HVCN1: variants seen among roughly 807,000 people sequenced by gnomAD.
HVCN1 encodes the protein hydrogen voltage gated channel 1.
HVCN1 carries 14 observed loss-of-function variants against 29.2 expected under a neutral mutation model. The observed-to-expected ratio is 0.48, with a 90% confidence interval of 0.32 to 0.75. The LOEUF is 0.75. Among genes scored for constraint, HVCN1 ranks in the 30% least tolerant of loss-of-function variants. The probability of loss-of-function intolerance (pLI) is 0.04; values close to 1 mark genes in which losing one functional copy is unlikely to be tolerated. For missense variants in HVCN1, 263 were observed against 341.8 expected, an observed-to-expected ratio of 0.77 and a Z score of 1.82; for synonymous variants, 131 against 133.2, an observed-to-expected ratio of 0.98 and a Z score of 0.11.
At position 110,694,876 on chromosome 12, in the gene HVCN1, A is replaced by G. The variant is rs1400917010; in HGVS notation, c.-103-6168T>C. On this transcript the variant is annotated intron_variant, in intron 2 of 4. Transcript: ENST00000546713. This position sits in a 1 kb window ranked among gnomAD's most constrained non-coding sequence, Gnocchi z 4.6. ...GCCTCACAGTTCAGAGTCACACAGA[A>G]GAGTAGGAAGAACACAGGCATTGCA... Among the ~76,000 whole-genome samples the G allele has an allele frequency of 6.6e-6, 1 of 152,188 alleles. No individual in the cohort carries two copies. The highest frequency in any genetic ancestry group is 1.9e-4 in the East Asian group (1 of 5,200).
chr12:110,671,332 A>T (rs1366442626), intron 3 of HVCN1, among the ~76,000 whole-genome samples: 2 of 152,160 alleles, frequency 1.3e-5, no homozygotes, highest in African/African-American at 4.8e-5. Context: ...AAAACAAAAA[A>T]AGAGAAAAGG....
At chr12:110,654,358 AAGG>A (rs2067913809) in intron 5 of HVCN1, among the ~76,000 whole-genome samples, 1 of 152,086 alleles carries the variant, frequency 6.6e-6, no homozygotes, top group East Asian at 1.9e-4. Context: ...TATCAGGAAG[AAGG>A]AGGAAGTTTC....
At chr12:110,657,473 C>T (rs978819975) in intron 4 of HVCN1, among the ~76,000 whole-genome samples, 2 of 136,686 alleles carry the variant, frequency 1.5e-5, no homozygotes, top group Non-Finnish European at 3.1e-5. Context: ...CCAGCTTGGG[C>T]AACAAGAGTG....
chr12:110,661,472 A>C lies in HVCN1; in HGVS notation c.22-24T>G, dbSNP rs2068169447. 1 of 1,608,606 alleles carries C rather than the reference A, an allele frequency of 6.2e-7. No individual in the cohort carries two copies. Among genetic ancestry groups the C allele is most frequent in the Admixed American group, 1.7e-5 (1 of 59,798 alleles). On this transcript the variant is annotated intron_variant, in intron 3 of 7. Coordinates refer to ENST00000242607, the MANE Select transcript of HVCN1 (RefSeq NM_032369.4). The surrounding 1 kb of genome is among the most constrained non-coding windows in gnomAD (Gnocchi z 6.2). ...GCCTAGAAGGCGGGGACAGAGAGCA[A>C]GAGCTTCAGGCAGTTGGCCACTCAG...
chr12:110,673,293 G>A (rs1409244350), intron 3 of HVCN1, among the ~76,000 whole-genome samples: 1 of 152,176 alleles, frequency 6.6e-6, no homozygotes, highest in Non-Finnish European at 1.5e-5. Flanking sequence ...GTGGAGCTTT[G>A]AACTTGAGAA....
At chr12:110,678,770 G>A (rs2068843274) in intron 3 of HVCN1, among the ~76,000 whole-genome samples, 1 of 152,000 alleles carries the variant, frequency 6.6e-6, no homozygotes, top group East Asian at 1.9e-4. Context: ...TTTCTTAAAA[G>A]GTCGACTGTA....
chr12:110,659,760 A>T lies in HVCN1; in HGVS notation c.306+1404T>A, dbSNP rs543097205. ...ATAGCAAGATCCCATCTCTTAAAAAAAAAGCCCTTCTAAATGGCGGGACAT... is the reference window on the plus strand; with the variant it reads ...ATAGCAAGATCCCATCTCTTAAAAATAAAGCCCTTCTAAATGGCGGGACAT... On this transcript the variant is annotated intron_variant, in intron 4 of 7. Transcript: ENST00000242607. 4.6e-5 allele frequency among the ~76,000 whole-genome samples: 7 copies of T among 152,170 alleles called. 1 individual carries two copies. The highest frequency in any genetic ancestry group is 1.0e-4 in the Non-Finnish European group (7 of 68,000).
intron 3 of HVCN1, among the ~76,000 whole-genome samples, chr12:110,663,454 T>A (rs1019205675): frequency 1.5e-4 from 23 of 151,348 alleles, no homozygotes; most frequent in African/African-American, 5.3e-4. Flanking sequence ...TAAAAAAAAT[T>A]AGCCAGGCAT....
intron 4 of HVCN1, among the ~76,000 whole-genome samples, chr12:110,657,828 G>T (rs888092947): frequency 6.6e-6 from 1 of 152,230 alleles, no homozygotes; most frequent in Non-Finnish European, 1.5e-5. Context: ...CAGAGAAGCT[G>T]CTTCATTCTA....
At position 110,649,011 on chromosome 12, in the gene HVCN1, C is replaced by T. The variant is rs1277172260; in HGVS notation, c.*399G>A. 4.3e-6 allele frequency: 2 copies of T among 468,278 alleles called. No individual in the cohort carries two copies. Among genetic ancestry groups the T allele is most frequent in the Non-Finnish European group, 8.3e-6 (2 of 239,684 alleles). 29.0% of individuals were successfully genotyped at this position (468,278 alleles called of 1,614,324 possible). A position where few individuals can be genotyped will look rare whatever the true frequency, so the allele number is the denominator to read the frequency against. On this transcript the variant is annotated 3_prime_UTR_variant, in exon 8 of 8. Coordinates refer to ENST00000242607, the MANE Select transcript of HVCN1 (RefSeq NM_032369.4). ...AAGAGACTTTTCTAGAATGGGGTGG[C>T]AGCTAAAGTAGCTTCTTTTTCTTTC...
chr12:110,689,666 T>G (rs148827596), upstream of HVCN1: 1 of 152,364 alleles, frequency 6.6e-6, no homozygotes, highest in East Asian at 1.9e-4. This position sits in a 1 kb window ranked among gnomAD's most constrained non-coding sequence, Gnocchi z 5.7. Flanking sequence ...CCTCAGAACT[T>G]CCCTTGGTCG....
At chr12:110,656,602 G>A (rs1416481833) in intron 4 of HVCN1, among the ~76,000 whole-genome samples, 3 of 152,064 alleles carry the variant, frequency 2.0e-5, no homozygotes, top group Non-Finnish European at 4.4e-5. Flanking sequence ...GGGCCTTGCC[G>A]CTCACACTCT....
At chr12:110,685,112 GCT>G (rs1254749613) in intron 2 of HVCN1, among the ~76,000 whole-genome samples, 5 of 152,192 alleles carry the variant, frequency 3.3e-5, no homozygotes, top group Admixed American at 6.5e-5. Context: ...TTAAGTTGCA[GCT>G]CTCAAGATGG....
At chr12:110,683,196 T>C in intron 3 of HVCN1, 29 bp downstream of exon 3, 1 of 1,613,938 alleles carries the variant, frequency 6.2e-7, no homozygotes, top group Non-Finnish European at 8.5e-7. Flanking sequence ...GGATATCCTC[T>C]AATGCTGCAA....
chr12:110,701,916 C>CAACAACAACAACAACAAA (rs532906104), intron 2 of HVCN1, among the ~76,000 whole-genome samples: 1 of 150,908 alleles, frequency 6.6e-6, no homozygotes, highest in Admixed American at 6.6e-5. Context: ...ACAACAACAA[C>CAACAACAACAACAACAAA]AAAACACACA....
At chr12:110,686,676 C>T (rs961211620) in intron 2 of HVCN1, among the ~76,000 whole-genome samples, 3 of 152,170 alleles carry the variant, frequency 2.0e-5, no homozygotes, top group African/African-American at 7.2e-5. Context: ...TGCCCTTCTC[C>T]ATTAAACTAG....
rs770183396 is a variant in HVCN1 at position 110,655,244 on chromosome 12, T to G, written c.401A>C (p.Tyr134Ser). 139 of 1,612,142 alleles carry G rather than the reference T, an allele frequency of 8.6e-5. No homozygotes were observed. Among genetic ancestry groups the G allele is most frequent in the Non-Finnish European group, 1.1e-4 (133 of 1,178,668 alleles). ...LKIIQPDKNN[Y>S]AAMVFHYMSI... ...GCTGTCAACCCCTACCATGGCAGCA[T>G]AGTTATTCTTGTCGGGCTGGATGAT... The change falls in exon 5 of 8, where the codon TAT (tyrosine) becomes TCT (serine). Residue 134 changes from tyrosine to serine, a missense_variant. Tyr to Ser is a moderately radical substitution (Grantham distance 144). Around this residue, in one of 3 missense-constraint regions of HVCN1, gnomAD observed 157 missense variants for 181.3 expected, o/e 0.87. Coordinates refer to ENST00000242607, the MANE Select transcript of HVCN1 (RefSeq NM_032369.4).
At chr12:110,673,901 G>A (rs975028808) in intron 3 of HVCN1, among the ~76,000 whole-genome samples, 1 of 152,224 alleles carries the variant, frequency 6.6e-6, no homozygotes, top group Non-Finnish European at 1.5e-5. Flanking sequence ...GGAAATGTGG[G>A]GTGGGAGCAC....
chr12:110,656,091 C>T (rs1457192307), intron 4 of HVCN1, among the ~76,000 whole-genome samples: 1 of 152,192 alleles, frequency 6.6e-6, no homozygotes, highest in African/African-American at 2.4e-5. Flanking sequence ...CACAGCCCTG[C>T]CTCGGCAGTC....
Sources: allele counts gnomAD v4.1 joint callset (sites outside exome capture counted in the v4.1 genomes callset), GRCh38; gene constraint gnomAD v4.1.1; regional missense constraint gnomAD v4.1.1; non-coding constraint Gnocchi (gnomAD v3.1); transcripts MANE v1.5; gene names NCBI Gene and HGNC (gene_info 2026-07-23, HGNC 2026-07-21).